Variants in CEP290 observed in about 807,000 individuals in gnomAD.
The protein encoded by CEP290 is centrosomal protein 290.
A neutral mutation model predicts 344.9 loss-of-function variants in CEP290; 317 were observed. That is an observed-to-expected ratio of 0.92 (90% CI 0.84 to 1.01). The LOEUF is 1.01. Among genes scored for constraint, CEP290 ranks in the 50% least tolerant of loss-of-function variants. CEP290 has a pLI of 0.00. For synonymous variants in CEP290, 932 were observed against 895.8 expected (o/e 1.04, Z -0.72); for missense variants, 2,754 against 2,761.4 (o/e 1.00, Z 0.06).
intron 41 of CEP290, among the ~76,000 whole-genome samples, chr12:88,075,547 G>C (rs997545216): frequency 7.1e-4 from 103 of 144,582 alleles, no homozygotes; most frequent in African/African-American, 2.4e-3. Context: ...AATAAAAAAA[G>C]AAAAAAAAAA....
At chr12:88,065,815 G>A (rs2034880600) in intron 44 of CEP290, among the ~76,000 whole-genome samples, 1 of 151,860 alleles carries the variant, frequency 6.6e-6, no homozygotes, top group African/African-American at 2.4e-5. Flanking sequence ...TTTTTCCCTT[G>A]CATTTTGAAA....
chr12:88,053,065 GA>G (rs1281320161), intron 52 of CEP290, among the ~76,000 whole-genome samples: 5 of 152,134 alleles, frequency 3.3e-5, no homozygotes, highest in Non-Finnish European at 5.9e-5. Flanking sequence ...CTTTAGTGAG[GA>G]GGTGATTTAG....
intron 53 of CEP290, chr12:88,049,718 A>G (rs2033297310): frequency 5.3e-6 from 1 of 188,878 alleles, no homozygotes; most frequent in African/African-American, 2.3e-5. Context: ...CAATAGAGCA[A>G]TCAATCAAAA....
At position 88,070,589 on chromosome 12, in the gene CEP290, A is replaced by C. The variant is rs557348599; in HGVS notation, c.6011+705T>G. 3.3e-5 allele frequency among the ~76,000 whole-genome samples: 5 copies of C among 152,228 alleles called. No homozygotes were observed. In the East Asian group the frequency reaches 9.7e-4, roughly 29 times the overall value. ...GAAGCTAATATTTTTTGGGAGGGAAATCTCCAATTGGTAGAGCTATGATAC... is the reference window on the plus strand; with the variant it reads ...GAAGCTAATATTTTTTGGGAGGGAACTCTCCAATTGGTAGAGCTATGATAC... On this transcript the variant is annotated intron_variant, in intron 43 of 53. Coordinates refer to ENST00000552810, the MANE Select transcript of CEP290 (RefSeq NM_025114.4).
intron 41 of CEP290, 100 bp downstream of exon 41, chr12:88,077,122 G>C: frequency 9.1e-7 from 1 of 1,094,312 alleles, no homozygotes; most frequent in Non-Finnish European, 1.3e-6. Flanking sequence ...ATACAGCCAG[G>C]TCATCAAATT....
chr12:88,125,395 T>A, intron 12 of CEP290, 26 bp from the exon 13 acceptor site: 1 of 1,157,592 alleles, frequency 8.6e-7, no homozygotes, highest in East Asian at 3.2e-5. Flanking sequence ...AAACAATATA[T>A]ATCCCTTCAT....
chr12:88,061,067 G>A (rs2034445435), intron 46 of CEP290, 73 bp from the exon 47 acceptor site: 6 of 1,071,086 alleles, frequency 5.6e-6, no homozygotes, highest in African/African-American at 1.7e-5. Context: ...CAATACAACA[G>A]GCTTATTATA....
At chr12:88,059,674 T>C (rs2034309843) in intron 48 of CEP290, among the ~76,000 whole-genome samples, 1 of 152,228 alleles carries the variant, frequency 6.6e-6, no homozygotes, top group Non-Finnish European at 1.5e-5. Flanking sequence ...CCCAAAGTGC[T>C]GGGATTACAG....
intron 27 of CEP290, 27 bp from the exon 28 acceptor site, chr12:88,094,002 C>T: frequency 6.6e-7 from 1 of 1,514,622 alleles, no homozygotes; most frequent in Non-Finnish European, 9.0e-7. Flanking sequence ...TTAAGTCAAT[C>T]TCATGCTGTT....
chr12:88,055,051 T>C (rs1405007063), intron 50 of CEP290, among the ~76,000 whole-genome samples: 3 of 152,254 alleles, frequency 2.0e-5, no homozygotes, highest in Non-Finnish European at 4.4e-5. Context: ...CCAGACCTCA[T>C]ATGTTGTTTT....
chr12:88,083,865 T>C lies in CEP290; in HGVS notation c.4794A>G (p.Lys1598=), dbSNP rs760100036. ...LELQADSSLN[K]FKQTAWDLMK... ...ATCTTACCCAAGCCGTTTGTTTGAA[T>C]TTATTTAGTGAACTATCAGCCTGTA... is the stretch of plus-strand genomic sequence containing the variant. Residue 1598 remains lysine (K), a synonymous_variant, in exon 36 of 54, where the codon AAA becomes AAG. Transcript: ENST00000552810. 1.3e-6 allele frequency: 2 copies of C among 1,582,572 alleles called. No individual in the cohort carries two copies. Among genetic ancestry groups the C allele is most frequent in the South Asian group, 2.4e-5 (2 of 84,706 alleles).
At chr12:88,063,928 C>T (rs1274084180) in intron 45 of CEP290, 53 bp downstream of exon 45, 6 of 1,448,536 alleles carry the variant, frequency 4.1e-6, no homozygotes, top group Non-Finnish European at 4.7e-6. Context: ...AACATAACAA[C>T]TAAGGAAGGA....
chr12:88,120,221 A>T lies in CEP290; in HGVS notation c.1415T>A (p.Ile472Asn). 1 of 1,512,510 alleles carries T rather than the reference A, an allele frequency of 6.6e-7. No homozygotes were observed. The highest frequency in any genetic ancestry group is 8.9e-7 in the Non-Finnish European group (1 of 1,124,568). The allele number at this position is 1,512,510 out of a possible 1,614,324, so 93.7% of individuals were successfully genotyped here. ...TTCAATCTCTCGATCTCTTATTTTA[A>T]TTTGGTTTTTACAATTCTTTATTTC... is the stretch of plus-strand genomic sequence containing the variant. ...VVEIKNCKNQ[I>N]KIRDREIEIL... Residue 472 changes from isoleucine (I) to asparagine (N), a missense_variant, in exon 15 of 54, where the codon ATT becomes AAT. Coordinates refer to ENST00000552810, the MANE Select transcript of CEP290 (RefSeq NM_025114.4).
chr12:88,058,123 T>A (rs533408207), intron 49 of CEP290: 22 of 152,232 alleles, frequency 1.4e-4, no homozygotes, highest in African/African-American at 5.3e-4. Context: ...AAATTGGAAA[T>A]GAGAATGACA....
intron 26 of CEP290, among the ~76,000 whole-genome samples, chr12:88,099,802 T>A (rs2037732611): frequency 6.6e-6 from 1 of 152,178 alleles, no homozygotes; most frequent in African/African-American, 2.4e-5. Flanking sequence ...TCCATTTTTT[T>A]CTTCCTTTCA....
At chr12:88,052,354 C>T (rs1439269122) in intron 52 of CEP290, among the ~76,000 whole-genome samples, 8 of 151,966 alleles carry the variant, frequency 5.3e-5, no homozygotes, top group Non-Finnish European at 1.0e-4. Flanking sequence ...ATAAATGGTT[C>T]GATGTGCTTA....
At chr12:88,095,485 T>C (rs1451558595) in intron 27 of CEP290, among the ~76,000 whole-genome samples, 1 of 152,202 alleles carries the variant, frequency 6.6e-6, no homozygotes, top group Non-Finnish European at 1.5e-5. Flanking sequence ...AAAATAAAGA[T>C]GATAAAATAA....
At position 88,077,912 on chromosome 12, in the gene CEP290, C is replaced by G. The variant is rs955877363; in HGVS notation, c.5371G>C (p.Val1791Leu). The G allele has an allele frequency of 1.3e-5, 16 of 1,269,122 alleles. No individual in the cohort carries two copies. Among genetic ancestry groups the G allele is most frequent in the Non-Finnish European group, 1.7e-5 (16 of 920,392 alleles). The allele number at this position is 1,269,122 out of a possible 1,614,324, so 78.6% of individuals were successfully genotyped here. A position where few individuals can be genotyped will look rare whatever the true frequency, so the allele number is the denominator to read the frequency against. Residue 1791 changes from valine to leucine, a missense_variant, in exon 40 of 54, where the codon GTT (valine) becomes CTT (leucine). Physicochemically the swap from Val to Leu is conservative, Grantham distance 32 (BLOSUM62 1). Transcript: ENST00000552810. ...DRHTRELKTQVEDLNENLLKL... is the reference protein window; with the variant it reads ...DRHTRELKTQLEDLNENLLKL... ...AAAAGATTTTCATTTAAATCTTCAA[C>G]TTGTGTCTAATAAGAGAAAAAGAAA...
At chr12:88,075,493 A>G (rs2035697463) in intron 41 of CEP290, among the ~76,000 whole-genome samples, 1 of 152,124 alleles carries the variant, frequency 6.6e-6, no homozygotes, top group South Asian at 2.1e-4. Context: ...GAATACAATA[A>G]TAAATAAAAT....
Sources: allele counts gnomAD v4.1 joint callset (sites outside exome capture counted in the v4.1 genomes callset), GRCh38; gene constraint gnomAD v4.1.1; transcripts MANE v1.5; gene names NCBI Gene and HGNC (gene_info 2026-07-23, HGNC 2026-07-21).